COL16A1: variants seen among roughly 807,000 people sequenced by gnomAD.
COL16A1 encodes collagen alpha-1(XVI) chain.
COL16A1 carries 189 observed loss-of-function variants against 266.3 expected under a neutral mutation model. The observed-to-expected ratio is 0.71, with a 90% CI of 0.63 to 0.80. The LOEUF (loss-of-function observed/expected upper bound fraction) is 0.80, where lower values mean the gene tolerates loss of function less well. Among genes scored for constraint, COL16A1 ranks in the 30% least tolerant of loss-of-function variants. COL16A1 has a pLI of 0.00. For synonymous variants in COL16A1, 740 were observed against 782.3 expected, an observed-to-expected ratio of 0.95 and a Z score of 0.90; for missense variants, 1,928 against 2,122.4, an observed-to-expected ratio of 0.91 and a Z score of 1.80.
At position 31,692,041 on chromosome 1, in the gene COL16A1, T is replaced by C; in HGVS notation, c.1221A>G (p.Gly407=). 6.2e-7 allele frequency: 1 copy of C among 1,613,856 alleles called. No homozygotes were observed. Among genetic ancestry groups the C allele is most frequent in the Non-Finnish European group, 8.5e-7 (1 of 1,180,006 alleles). ...GCTTTCCCGGCACGCCCTTGATGCC[T>C]CCGTCGCCCTTCTCGCCTTTCTGGC... is the stretch of plus-strand genomic sequence containing the variant. ...EKGQKGEKGD[G]GIKGVPGKPG... is the part of the protein sequence containing the mutation. The change falls in exon 17 of 71, where the codon GGA becomes GGG. Residue 407 remains glycine, a synonymous_variant. Coordinates refer to ENST00000373672, the MANE Select transcript of COL16A1 (RefSeq NM_001856.4).
chr1:31,665,376 T>C, intron 55 of COL16A1, 142 bp from the exon 56 acceptor site: 1 of 1,419,446 alleles, frequency 7.0e-7, no homozygotes. Flanking sequence ...GCATTACGTC[T>C]GCCTGGCCTG....
chr1:31,673,395 T>C (rs745660940), intron 44 of COL16A1, among the ~76,000 whole-genome samples: 21 of 152,044 alleles, frequency 1.4e-4, no homozygotes, highest in Non-Finnish European at 2.5e-4. Context: ...CCTCTGAGAG[T>C]TTGATGGAAG....
chr1:31,690,067 G>A (rs1414940622), intron 22 of COL16A1: 13 of 619,452 alleles, frequency 2.1e-5, no homozygotes, highest in Non-Finnish European at 2.8e-5. Flanking sequence ...CATCCTCGCC[G>A]TAAGCCTTAA....
chr1:31,690,445 C>T, intron 21 of COL16A1, 52 bp from the exon 22 acceptor site: 1 of 1,614,176 alleles, frequency 6.2e-7, no homozygotes, highest in Non-Finnish European at 8.5e-7. Context: ...GGCTGGTGTG[C>T]CAACTGAGGG....
intron 36 of COL16A1, 82 bp from the exon 37 acceptor site, chr1:31,683,084 A>G (rs2148765110): frequency 2.5e-6 from 4 of 1,609,158 alleles, no homozygotes; most frequent in Non-Finnish European, 3.4e-6. Context: ...ATCTCAACAG[A>G]TCTTAGGCAG....
chr1:31,684,931 G>C (rs1178316485), intron 29 of COL16A1, 75 bp from the exon 30 acceptor site: 1 of 1,607,746 alleles, frequency 6.2e-7, no homozygotes, highest in East Asian at 2.2e-5. Flanking sequence ...CATCAGGCTG[G>C]GGCATACAAC....
At position 31,657,118 on chromosome 1, in the gene COL16A1, T is replaced by C; in HGVS notation, c.4021-50A>G. On this transcript the variant is annotated intron_variant, in intron 64 of 70. Coordinates refer to ENST00000373672, the MANE Select transcript of COL16A1 (RefSeq NM_001856.4). This position sits in a 1 kb window ranked among gnomAD's most constrained non-coding sequence, Gnocchi z 6.4. ...CATGAGGAGCTCCAACCCAGTTTGG[T>C]GTCAGATGCCTCACTTTGTACATGG... is the stretch of plus-strand genomic sequence containing the variant. 6.2e-7 allele frequency: 1 copy of C among 1,612,468 alleles called. No individual in the cohort carries two copies. The highest frequency in any genetic ancestry group is 1.1e-5 in the South Asian group (1 of 91,058).
rs755890696 is a variant in COL16A1 at position 31,700,048 on chromosome 1, G to A, written c.141C>T (p.Asn47=). The A allele has an allele frequency of 9.9e-6, 16 of 1,614,198 alleles. No homozygotes were observed. The highest frequency in any genetic ancestry group is 4.5e-5 in the East Asian group (2 of 44,878). ...AGATGGTTGGGTGCTCACCAGTCAC[G>A]TTGGCTGGCAGGCTACTACTGTGTT... ...KLEHSSSLPA[N]VTGFNLIHRL... The change falls in exon 3 of 71, where the codon AAC becomes AAT. Residue 47 remains asparagine, a synonymous_variant. Transcript: ENST00000373672.
Position 31,685,540 on chromosome 1 carries a change from ACT to A in COL16A1, c.2016+97_2016+98del. The stretch of plus-strand genomic sequence containing the variant: ...CGCCACACCCTCCCCACTACCCCCA[ACT>A]GCCCAGGGAGTCAAGAGACCCAGGC... On this transcript the variant is annotated intron_variant, in intron 29 of 70. Transcript: ENST00000373672. The surrounding 1 kb of genome is among the most constrained non-coding windows in gnomAD (Gnocchi z 4.0). 2.8e-6 allele frequency: 4 copies of A among 1,427,378 alleles called. No individual in the cohort carries two copies. Among genetic ancestry groups the A allele is most frequent in the Non-Finnish European group, 3.8e-6 (4 of 1,050,998 alleles). 88.4% of individuals were successfully genotyped at this position (1,427,378 alleles called of 1,614,324 possible). A position where few individuals can be genotyped will look rare whatever the true frequency, so the allele number is the denominator to read the frequency against.
chr1:31,679,811 C>A lies in COL16A1; in HGVS notation c.2711G>T (p.Gly904Val), dbSNP rs1643478307. ...GLWMGSSWQP[G>V]PQGPPGIPGP... is the part of the protein sequence containing the mutation. Reference sequence around the variant, plus strand: ...AGGAGACAAGCGACACACCTGCGGGCCCGGCTGCCAGGAGCTGCCCATCCA... The same window carrying A: ...AGGAGACAAGCGACACACCTGCGGGACCGGCTGCCAGGAGCTGCCCATCCA... Residue 904 changes from glycine (G) to valine (V), a missense_variant, in exon 41 of 71, where the codon GGC (glycine) becomes GTC (valine). By Grantham distance (109) the Gly-to-Val change is moderately radical. Around this residue, in one of 2 missense-constraint regions of COL16A1, gnomAD observed 1,552 missense variants for 1,637.2 expected, o/e 0.95. Transcript: ENST00000373672. The A allele has an allele frequency of 3.2e-6, 5 of 1,555,854 alleles. No individual in the cohort carries two copies. The highest frequency in any genetic ancestry group is 4.3e-6 in the Non-Finnish European group (5 of 1,153,124).
chr1:31,653,971 G>A lies in COL16A1; in HGVS notation c.4430C>T (p.Pro1477Leu). The change falls in exon 69 of 71, where the codon CCT becomes CTT. Residue 1477 changes from proline to leucine, a missense_variant. Coordinates refer to ENST00000373672, the MANE Select transcript of COL16A1 (RefSeq NM_001856.4). Reference protein sequence around the residue: ...EMAAAPGRPGPPGKDGAPGRP... With the variant: ...EMAAAPGRPGLPGKDGAPGRP... ...GCCCGGAGCACCATCCTTCCCTGGA[G>A]GCCCTGGTCGTCCCGGAGCTGCCGC... The A allele has an allele frequency of 1.9e-6, 3 of 1,614,202 alleles. No homozygotes were observed. The highest frequency in any genetic ancestry group is 2.5e-6 in the Non-Finnish European group (3 of 1,180,032).
At chr1:31,699,458 C>T (rs6657383) in intron 4 of COL16A1, among the ~76,000 whole-genome samples, 63,956 of 152,058 alleles carry the variant, frequency 0.42, 14,327 homozygotes, top group Non-Finnish European at 0.51. Flanking sequence ...GGAATTTGGA[C>T]TTCACACACA....
chr1:31,693,206 C>T, intron 12 of COL16A1, 52 bp from the exon 13 acceptor site: 1 of 1,191,722 alleles, frequency 8.4e-7, no homozygotes, highest in Admixed American at 1.7e-5. Flanking sequence ...ACATGGGAGC[C>T]TTGAGAAAGC....
intron 41 of COL16A1, 57 bp from the exon 42 acceptor site, chr1:31,679,742 G>T (rs980809237): frequency 2.4e-5 from 38 of 1,609,960 alleles, no homozygotes; most frequent in Middle Eastern, 1.8e-4. Context: ...ATGGCCGAGA[G>T]CAGCTGTTTA....
In COL16A1 at chr1:31,692,772, G is replaced by C. The variant is rs2148812470; in HGVS notation, c.1108C>G (p.Leu370Val). ...GCATCACCTCCAAGTCTTACCTGAA[G>C]TGGGGCATCCGGGGAGATTCGAACA... Reference protein sequence around the residue: ...DCVRISPDAPLQCAEGPKGEK... With the variant: ...DCVRISPDAPVQCAEGPKGEK... The change falls in exon 14 of 71, where the codon CTT becomes GTT. Residue 370 changes from leucine (L) to valine (V), a missense_variant. By Grantham distance (32) the Leu-to-Val change is conservative. Around this residue, in one of 2 missense-constraint regions of COL16A1, gnomAD observed 1,552 missense variants for 1,637.2 expected, o/e 0.95. Coordinates refer to ENST00000373672, the MANE Select transcript of COL16A1 (RefSeq NM_001856.4). 1.2e-6 allele frequency: 2 copies of C among 1,613,882 alleles called. No homozygotes were observed. Among genetic ancestry groups the C allele is most frequent in the East Asian group, 2.2e-5 (1 of 44,890 alleles).
Position 31,684,153 on chromosome 1 carries a change from TGG to T in COL16A1, c.2237_2238del (p.Pro746GlnfsTer14). ...DMAGRPGQPG[P>X]KGEQGPEGVG... The stretch of plus-strand genomic sequence containing the variant: ...ACGCCTTCGGGGCCCTGCTCTCCTT[TGG>T]GGCCGGGCTGCCCAGGCCGTCCTGC... On this transcript the variant is annotated frameshift_variant, in exon 32 of 71. Transcript: ENST00000373672. LOFTEE classifies it high-confidence loss of function. 6.4e-7 allele frequency: 1 copy of T among 1,550,916 alleles called. No individual in the cohort carries two copies. Among genetic ancestry groups the T allele is most frequent in the Non-Finnish European group, 8.7e-7 (1 of 1,146,790 alleles).
In COL16A1 at chr1:31,697,544, A is replaced by C. The variant is rs1377369119; in HGVS notation, c.658-244T>G. On this transcript the variant is annotated intron_variant, in intron 6 of 70. Coordinates refer to ENST00000373672, the MANE Select transcript of COL16A1 (RefSeq NM_001856.4). The surrounding 1 kb of genome is among the most constrained non-coding windows in gnomAD (Gnocchi z 4.2). ...AGGTTCCATTCATGCTGGGCTTTGA[A>C]GGGCTGGTAGCTACTCAGCGGATGA... 2.6e-5 allele frequency among the ~76,000 whole-genome samples: 4 copies of C among 152,298 alleles called. No individual in the cohort carries two copies. The South Asian group carries it at 8.3e-4, about 32-fold the overall frequency.
chr1:31,658,865 G>A, intron 63 of COL16A1, 49 bp downstream of exon 63: 4 of 1,543,638 alleles, frequency 2.6e-6, no homozygotes, highest in Non-Finnish European at 2.6e-6. Flanking sequence ...CCACAGTCAA[G>A]CAGGGCAAAA....
At chr1:31,693,792 T>G (rs1034642740) in intron 12 of COL16A1, among the ~76,000 whole-genome samples, 11 of 152,158 alleles carry the variant, frequency 7.2e-5, no homozygotes, top group African/African-American at 2.2e-4. Flanking sequence ...ATAATCATTC[T>G]AACACACCCT....
Sources: allele counts gnomAD v4.1 joint callset (sites outside exome capture counted in the v4.1 genomes callset), GRCh38; gene constraint gnomAD v4.1.1; regional missense constraint gnomAD v4.1.1; non-coding constraint Gnocchi (gnomAD v3.1); transcripts MANE v1.5; gene names NCBI Gene and HGNC (gene_info 2026-07-23, HGNC 2026-07-21).